NXPH2: variants seen among roughly 807,000 people sequenced by gnomAD.
NXPH2 encodes neurexophilin-2.
A neutral mutation model predicts 19.8 loss-of-function variants in NXPH2; 5 were observed. The ratio of observed to expected loss-of-function variants is 0.25; its 90% confidence interval spans 0.13 to 0.53. The LOEUF is 0.53. Ranked by LOEUF, NXPH2 falls within the 20% of genes least tolerant of loss-of-function variation. The probability of loss-of-function intolerance (pLI) is 0.96; values close to 1 mark genes in which losing one functional copy is unlikely to be tolerated. For synonymous variants in NXPH2, 154 were observed against 127.4 expected (o/e 1.21, Z -1.41); for missense variants, 289 against 322.8 (o/e 0.90, Z 0.80).
At chr2:138,674,264 G>A (rs1023309135) in intron 1 of NXPH2, among the ~76,000 whole-genome samples, 16 of 151,702 alleles carry the variant, frequency 1.1e-4, no homozygotes, top group Admixed American at 7.2e-4. Flanking sequence ...AGAAATTCTT[G>A]CACATCAGCC....
At chr2:138,680,891 A>G (rs1425989722) in intron 1 of NXPH2, among the ~76,000 whole-genome samples, 1 of 152,210 alleles carries the variant, frequency 6.6e-6, no homozygotes, top group Non-Finnish European at 1.5e-5. Context: ...TTGTTAAGAC[A>G]ACAGTTATAT....
intron 1 of NXPH2, among the ~76,000 whole-genome samples, chr2:138,775,841 A>T (rs2104846410): frequency 6.6e-6 from 1 of 152,260 alleles, no homozygotes; most frequent in East Asian, 1.9e-4. Context: ...TTTACTTCCA[A>T]ATCAAGATAT....
intron 1 of NXPH2, among the ~76,000 whole-genome samples, chr2:138,725,063 A>G (rs1266085855): frequency 2.6e-5 from 4 of 152,240 alleles, no homozygotes; most frequent in Admixed American, 6.5e-5. Flanking sequence ...AAACCAATAC[A>G]TAGCACGATT....
intron 1 of NXPH2, among the ~76,000 whole-genome samples, chr2:138,683,455 G>A (rs549224581): frequency 6.6e-6 from 1 of 152,116 alleles, no homozygotes; most frequent in Non-Finnish European, 1.5e-5. Context: ...TGCCATTTTC[G>A]GCAGAGTTTC....
rs960788418 is a variant in NXPH2 at position 138,669,718 on chromosome 2, A to T, written c.*1204T>A. Among the ~76,000 whole-genome samples, 1 of 152,172 alleles carries T rather than the reference A, an allele frequency of 6.6e-6. No individual in the cohort carries two copies. Among genetic ancestry groups the T allele is most frequent in the African/African-American group, 2.4e-5 (1 of 41,460 alleles). Reference sequence around the variant, plus strand: ...CCCCTGTTTCTGTTCTAATTTAATGATCATTCAGTTCTACCATATAGGACT... The same window carrying T: ...CCCCTGTTTCTGTTCTAATTTAATGTTCATTCAGTTCTACCATATAGGACT... On this transcript the variant is annotated 3_prime_UTR_variant, in exon 2 of 2. Transcript: ENST00000272641.
chr2:138,738,426 C>G (rs550854308), intron 1 of NXPH2, among the ~76,000 whole-genome samples: 4 of 152,118 alleles, frequency 2.6e-5, no homozygotes, highest in Non-Finnish European at 5.9e-5. Flanking sequence ...ATTTTCATCT[C>G]CCCTTATTGT....
chr2:138,732,182 G>T (rs1232140927), intron 1 of NXPH2, among the ~76,000 whole-genome samples: 1 of 152,216 alleles, frequency 6.6e-6, no homozygotes, highest in Non-Finnish European at 1.5e-5. Flanking sequence ...CAAGTTTGGT[G>T]ATCTCATACA....
chr2:138,747,884 A>G (rs997482419), intron 1 of NXPH2, among the ~76,000 whole-genome samples: 25 of 152,148 alleles, frequency 1.6e-4, no homozygotes, highest in African/African-American at 5.5e-4. Flanking sequence ...TACTGCTTCC[A>G]TCTACCTTGC....
chr2:138,764,011 T>C (rs1682054350), intron 1 of NXPH2, among the ~76,000 whole-genome samples: 2 of 152,176 alleles, frequency 1.3e-5, no homozygotes, highest in African/African-American at 2.4e-5. Flanking sequence ...TTTGTGTTCA[T>C]AGATTTCACT....
Position 138,726,519 on chromosome 2 carries a change from AACACACACACACAC to A in NXPH2, c.51+53658_51+53671del, listed in dbSNP as rs57428467. 2.4e-3 allele frequency among the ~76,000 whole-genome samples: 346 copies of A among 146,558 alleles called. 2 individuals carry two copies. The highest frequency in any genetic ancestry group is 7.7e-3 in the African/African-American group (305 of 39,534). On this transcript the variant is annotated intron_variant, in intron 1 of 1. Coordinates refer to ENST00000272641, the MANE Select transcript of NXPH2 (RefSeq NM_007226.3). ...CTTTTTGGAAAAAAGTAAAAAAAGA[AACACACACACACAC>A]ACACACACACACACACACACACACA...
At chr2:138,700,890 A>C (rs899044754) in intron 1 of NXPH2, among the ~76,000 whole-genome samples, 4 of 152,088 alleles carry the variant, frequency 2.6e-5, no homozygotes, top group Admixed American at 1.3e-4. Flanking sequence ...CTGCAGGAGA[A>C]TTTCACATCT....
chr2:138,755,823 AT>A (rs1156594299), intron 1 of NXPH2, among the ~76,000 whole-genome samples: 1 of 151,996 alleles, frequency 6.6e-6, no homozygotes. Flanking sequence ...CTCTCCATTT[AT>A]TTAGATTTTT....
chr2:138,757,094 T>TAAG (rs1372927843), intron 1 of NXPH2, among the ~76,000 whole-genome samples: 1 of 152,238 alleles, frequency 6.6e-6, no homozygotes, highest in Non-Finnish European at 1.5e-5. Context: ...CAGCAGTTTA[T>TAAG]AAGAATTGTA....
intron 1 of NXPH2, among the ~76,000 whole-genome samples, chr2:138,713,495 G>A (rs1050649751): frequency 5.3e-5 from 8 of 152,184 alleles, no homozygotes; most frequent in African/African-American, 1.7e-4. Flanking sequence ...CCTGATTTCA[G>A]TGAGAGAAAT....
At chr2:138,741,651 T>C (rs145468614) in intron 1 of NXPH2, among the ~76,000 whole-genome samples, 5 of 152,328 alleles carry the variant, frequency 3.3e-5, no homozygotes, top group Admixed American at 6.5e-5. Flanking sequence ...AACAAAATAA[T>C]GTATATTAAA....
rs908156170 is a variant in NXPH2, at chr2:138,671,738, C to G, written c.52-73G>C. The G allele has an allele frequency of 1.1e-5, 16 of 1,417,620 alleles. No homozygotes were observed. In the African/African-American group the frequency reaches 1.9e-4, roughly 17 times the overall value. 87.8% of individuals were successfully genotyped at this position (1,417,620 alleles called of 1,614,324 possible). On this transcript the variant is annotated intron_variant, in intron 1 of 1. Transcript: ENST00000272641. ...CTGCGCACTCAAACTGAAGTCAAAG[C>G]GCAAGGGAAATTATTTCAACATTGT...
chr2:138,760,671 T>C (rs1681997510), intron 1 of NXPH2, among the ~76,000 whole-genome samples: 2 of 152,302 alleles, frequency 1.3e-5, no homozygotes, highest in East Asian at 1.9e-4. Flanking sequence ...TAAAATCAGG[T>C]TCCTGGCGGT....
In NXPH2 at chr2:138,671,095, A is replaced by G; in HGVS notation, c.622T>C (p.Ser208Pro). 1 of 1,613,954 alleles carries G rather than the reference A, an allele frequency of 6.2e-7. No homozygotes were observed. The highest frequency in any genetic ancestry group is 8.5e-7 in the Non-Finnish European group (1 of 1,179,864). ...GTCTGCTCCTGGTAGCAGATCTTGG[A>G]TGGGTCAAAGTTGCACAGGGCGGTC... The part of the protein sequence containing the change: ...KKTALCNFDP[S>P]KICYQEQTQS... The change falls in exon 2 of 2, where the codon TCC becomes CCC. Residue 208 changes from serine (S) to proline (P), a missense_variant. Coordinates refer to ENST00000272641, the MANE Select transcript of NXPH2 (RefSeq NM_007226.3).
At chr2:138,688,531 G>T (rs1229817179) in intron 1 of NXPH2, among the ~76,000 whole-genome samples, 1 of 152,142 alleles carries the variant, frequency 6.6e-6, no homozygotes, top group African/African-American at 2.4e-5. Context: ...ACCTAGAGCA[G>T]TGGTTACAAA....
Sources: allele counts gnomAD v4.1 joint callset (sites outside exome capture counted in the v4.1 genomes callset), GRCh38; gene constraint gnomAD v4.1.1; transcripts MANE v1.5; gene names NCBI Gene and HGNC (gene_info 2026-07-23, HGNC 2026-07-21).